The following RBMS3 variants were observed in gnomAD, a reference collection of about 807,000 sequenced individuals.
The protein encoded by RBMS3 is RNA binding motif single stranded interacting protein 3.
A neutral mutation model predicts 66.8 loss-of-function variants in RBMS3; 27 were observed. The ratio of observed to expected loss-of-function variants is 0.40; its 90% CI spans 0.30 to 0.56. RBMS3 has a LOEUF of 0.56. Ranked by LOEUF, RBMS3 falls within the 20% of genes least tolerant of loss-of-function variation. The pLI is 0.40. For synonymous variants in RBMS3, 188 were observed against 183.0 expected (o/e 1.03, Z -0.22); for missense variants, 513 against 549.5 (o/e 0.93, Z 0.66).
chr3:29,637,151 A>G (rs150434115), intron 4 of RBMS3, among the ~76,000 whole-genome samples: 4 of 151,910 alleles, frequency 2.6e-5, no homozygotes, highest in African/African-American at 9.6e-5. Context: ...CTCATTTGTG[A>G]GTTTATTTCT....
intron 6 of RBMS3, among the ~76,000 whole-genome samples, chr3:29,809,335 T>C (rs528473524): frequency 9.2e-6 from 1 of 108,710 alleles, no homozygotes; most frequent in East Asian, 2.0e-4. Context: ...CTATGATCAG[T>C]GGGAAAAAAA....
At chr3:29,776,260 G>A (rs78536505) in intron 6 of RBMS3, among the ~76,000 whole-genome samples, 68 of 152,046 alleles carry the variant, frequency 4.5e-4, no homozygotes, top group African/African-American at 1.6e-3. Flanking sequence ...ATATGCTACA[G>A]AGAATACCAC....
At chr3:29,313,163 C>T (rs372005590) in intron 1 of RBMS3, among the ~76,000 whole-genome samples, 1 of 151,856 alleles carries the variant, frequency 6.6e-6, no homozygotes, top group East Asian at 1.9e-4. Flanking sequence ...AACCTTGGAA[C>T]GATGAGATGG....
intron 12 of RBMS3, among the ~76,000 whole-genome samples, chr3:29,970,427 C>T (rs192437386): frequency 6.6e-6 from 1 of 152,232 alleles, no homozygotes; most frequent in East Asian, 1.9e-4. Context: ...GTTTGCTTAT[C>T]TATTTATTTC....
intron 12 of RBMS3, among the ~76,000 whole-genome samples, chr3:29,986,012 G>A (rs1295450069): frequency 6.6e-6 from 1 of 152,158 alleles, no homozygotes; most frequent in Non-Finnish European, 1.5e-5. Flanking sequence ...ATTCTACAGA[G>A]GGTGCCAGTG....
intron 6 of RBMS3, among the ~76,000 whole-genome samples, chr3:29,807,562 G>A (rs559093312): frequency 4.6e-5 from 7 of 151,876 alleles, no homozygotes; most frequent in African/African-American, 9.6e-5. Context: ...TAAAAAACTG[G>A]TATTATAACT....
Position 29,281,391 on chromosome 3 carries a change from G to A in RBMS3, c.-291G>A. The A allele has an allele frequency of 2.1e-6, 1 of 472,252 alleles. No homozygotes were observed. The highest frequency in any genetic ancestry group is 2.8e-5 in the South Asian group (1 of 35,364). The allele number at this position is 472,252 out of a possible 1,614,324, so 29.3% of individuals were successfully genotyped here. A position where few individuals can be genotyped will look rare whatever the true frequency, so the allele number is the denominator to read the frequency against. On this transcript the variant is annotated 5_prime_UTR_variant, in exon 1 of 15. It adds an upstream start codon to the 5' untranslated region. Coordinates refer to ENST00000383767, the MANE Select transcript of RBMS3 (RefSeq NM_001003793.3). ...TAGAGAACAAACTGCCTCATCCCAA[G>A]TGGACCCCGGCAGCTGGGGGAAGCC...
At chr3:29,728,879 A>T (rs1027280896) in intron 4 of RBMS3, among the ~76,000 whole-genome samples, 2 of 152,106 alleles carry the variant, frequency 1.3e-5, no homozygotes, top group African/African-American at 4.8e-5. Flanking sequence ...TTTTCTGTAC[A>T]ATTGACATTG....
At chr3:29,767,423 T>G (rs757356933) in intron 6 of RBMS3, 3 of 150,694 alleles carry the variant, frequency 2.0e-5, no homozygotes, top group African/African-American at 7.3e-5. Flanking sequence ...CTAATCTTAA[T>G]TGAACTCTAA....
intron 1 of RBMS3, among the ~76,000 whole-genome samples, chr3:29,287,574 A>G (rs1028889885): frequency 2.0e-5 from 3 of 152,122 alleles, no homozygotes; most frequent in African/African-American, 7.2e-5. Flanking sequence ...AGTGTTAAAA[A>G]TTACAAAGAT....
chr3:29,928,211 T>TAC (rs1175604100), intron 10 of RBMS3, among the ~76,000 whole-genome samples: 10,520 of 93,280 alleles, frequency 0.11, 802 homozygotes, highest in Middle Eastern at 0.16. Flanking sequence ...TATATATATA[T>TAC]ACACACACAC....
chr3:29,328,378 A>C (rs1349938121), intron 1 of RBMS3, among the ~76,000 whole-genome samples: 1 of 152,174 alleles, frequency 6.6e-6, no homozygotes, highest in Non-Finnish European at 1.5e-5. Flanking sequence ...CTGAAATGAA[A>C]TTTTAAAGCT....
At chr3:29,677,261 A>G (rs1283623468) in intron 4 of RBMS3, among the ~76,000 whole-genome samples, 1 of 152,164 alleles carries the variant, frequency 6.6e-6, no homozygotes, top group Non-Finnish European at 1.5e-5. Flanking sequence ...CACAAATCCA[A>G]ACCATATCAC....
At chr3:29,361,601 C>G (rs182976106) in intron 1 of RBMS3, among the ~76,000 whole-genome samples, 1 of 152,252 alleles carries the variant, frequency 6.6e-6, no homozygotes, top group Admixed American at 6.5e-5. Flanking sequence ...GCCTGCCTTG[C>G]TAGGTTGGGG....
intron 10 of RBMS3, among the ~76,000 whole-genome samples, chr3:29,914,126 T>G (rs1426653775): frequency 6.6e-6 from 1 of 151,840 alleles, no homozygotes; most frequent in East Asian, 1.9e-4. Context: ...TTATTCAGAG[T>G]TACATTTAAA....
intron 12 of RBMS3, among the ~76,000 whole-genome samples, chr3:29,980,765 C>T (rs1452882219): frequency 6.6e-6 from 1 of 151,990 alleles, no homozygotes; most frequent in Admixed American, 6.6e-5. Flanking sequence ...ATTTCTGAGG[C>T]CTCTGTTCTT....
Position 29,434,836 on chromosome 3 carries a change from C to G in RBMS3, c.169C>G (p.Gln57Glu). The change falls in exon 2 of 15, where the codon CAG becomes GAG. Residue 57 changes from glutamine (Q) to glutamate (E), a missense_variant. Transcript: ENST00000383767. The part of the protein sequence containing the change: ...NNSSNNSSGE[Q>E]LSKTNLYIRG... Reference sequence around the variant, plus strand: ...CAGCAGCAACAACAGCAGCGGGGAACAGTTGAGTAAAACCAACCTGTACAT... The same window carrying G: ...CAGCAGCAACAACAGCAGCGGGGAAGAGTTGAGTAAAACCAACCTGTACAT... The G allele has an allele frequency of 6.2e-7, 1 of 1,614,142 alleles. No individual in the cohort carries two copies. The highest frequency in any genetic ancestry group is 8.5e-7 in the Non-Finnish European group (1 of 1,180,024).
chr3:29,913,787 G>A (rs147070632), intron 10 of RBMS3, among the ~76,000 whole-genome samples: 32 of 151,854 alleles, frequency 2.1e-4, no homozygotes, highest in South Asian at 1.2e-3. Context: ...CTTACTTTCC[G>A]ATAAAGGCTT....
At chr3:29,517,809 A>G (rs953085805) in intron 3 of RBMS3, among the ~76,000 whole-genome samples, 2 of 152,230 alleles carry the variant, frequency 1.3e-5, no homozygotes, top group African/African-American at 4.8e-5. Context: ...TCAAAAACCT[A>G]TTGAAAGACA....
Sources: gnomAD v4.1 joint callset for allele counts (sites outside exome capture counted in the v4.1 genomes callset) on GRCh38, gnomAD v4.1.1 for gene constraint, MANE v1.5 for transcripts, NCBI Gene and HGNC (gene_info 2026-07-23, HGNC 2026-07-21) for gene names.